DNAJC6: variants seen among roughly 807,000 people sequenced by gnomAD.
The protein encoded by DNAJC6 is auxilin.
A neutral mutation model predicts 110.0 loss-of-function variants in DNAJC6; 34 were observed. The ratio of observed to expected loss-of-function variants is 0.31; its 90% CI spans 0.24 to 0.41. The LOEUF is 0.41. Ranked by LOEUF, DNAJC6 falls within the 10% of genes least tolerant of loss-of-function variation. The probability of loss-of-function intolerance (pLI) is 1.00; values close to 1 mark genes in which losing one functional copy is unlikely to be tolerated. For synonymous variants in DNAJC6, 406 were observed against 437.2 expected (o/e 0.93, Z 0.89); for missense variants, 1,031 against 1,207.8 (o/e 0.85, Z 2.17).
chr1:65,398,862 G>T lies in DNAJC6; in HGVS notation c.2088G>T (p.Trp696Cys), dbSNP rs1646004501. 1.9e-6 allele frequency: 3 copies of T among 1,613,852 alleles called. No individual in the cohort carries two copies. The change falls in exon 14 of 19, where the codon TGG becomes TGT. Residue 696 changes from tryptophan (W) to cysteine (C), a missense_variant. Physicochemically the swap from Trp to Cys is radical, Grantham distance 215. Coordinates refer to ENST00000371069, the MANE Select transcript of DNAJC6 (RefSeq NM_001256864.2). ...TTCAGCCAGATGTTTCTGGAGGTTGGGACTGGCATGCTAAACCAGGTAAAA... is the reference window on the plus strand; with the variant it reads ...TTCAGCCAGATGTTTCTGGAGGTTGTGACTGGCATGCTAAACCAGGTAAAA... ...VNIQPDVSGGWDWHAKPGGFG... is the reference protein window; with the variant it reads ...VNIQPDVSGGCDWHAKPGGFG...
intron 1 of DNAJC6, among the ~76,000 whole-genome samples, chr1:65,350,531 A>G (rs1386374367): frequency 1.3e-5 from 2 of 152,146 alleles, no homozygotes; most frequent in Admixed American, 6.5e-5. Context: ...GTTTTATTGT[A>G]TGATAAACAT....
At chr1:65,302,403 C>G (rs1644995638) in intron 1 of DNAJC6, among the ~76,000 whole-genome samples, 1 of 148,676 alleles carries the variant, frequency 6.7e-6, no homozygotes, top group African/African-American at 2.5e-5. Flanking sequence ...GTACCATTAA[C>G]AGGTGATTAG....
Position 65,406,017 on chromosome 1 carries a change from C to T in DNAJC6, c.2375C>T (p.Pro792Leu), listed in dbSNP as rs1646072742. Residue 792 changes from proline to leucine, a missense_variant, in exon 16 of 19, where the codon CCT becomes CTT. Physicochemically the swap from Pro to Leu is moderately conservative, Grantham distance 98 (BLOSUM62 -3). Coordinates refer to ENST00000371069, the MANE Select transcript of DNAJC6 (RefSeq NM_001256864.2). ...GGAYNWQQPQ[P>L]KPQPSMPHSS... Reference sequence around the variant, plus strand: ...GCCTACAACTGGCAGCAGCCACAGCCTAAGCCTCAGCCCAGCATGCCCCAC... The same window carrying T: ...GCCTACAACTGGCAGCAGCCACAGCTTAAGCCTCAGCCCAGCATGCCCCAC... 2 of 1,614,202 alleles carry T rather than the reference C, an allele frequency of 1.2e-6. No individual in the cohort carries two copies. Among genetic ancestry groups the T allele is most frequent in the Admixed American group, 1.7e-5 (1 of 60,028 alleles).
chr1:65,363,726 G>A (rs1645619389), intron 1 of DNAJC6, among the ~76,000 whole-genome samples: 1 of 151,998 alleles, frequency 6.6e-6, no homozygotes, highest in Admixed American at 6.6e-5. Flanking sequence ...CAGTGCACAG[G>A]GACAACCCCC....
chr1:65,356,683 A>C (rs1570319812), intron 1 of DNAJC6, among the ~76,000 whole-genome samples: 1 of 152,248 alleles, frequency 6.6e-6, no homozygotes, highest in Non-Finnish European at 1.5e-5. Flanking sequence ...GCGTGTTATT[A>C]TTTGATCCTG....
intron 1 of DNAJC6, among the ~76,000 whole-genome samples, chr1:65,363,384 C>T (rs1645615861): frequency 6.6e-6 from 1 of 151,338 alleles, no homozygotes; most frequent in African/African-American, 2.4e-5. Flanking sequence ...TTGCTGATTG[C>T]TATGGCAAAG....
At position 65,408,772 on chromosome 1, in the gene DNAJC6, G is replaced by C. The variant is rs1349929312; in HGVS notation, c.2623G>C (p.Glu875Gln). ...GGAAATGGCCAAGGAAATGGATCCT[G>C]AGAAATTAAAGGTGAGTGAGGCCCC... ...KEEMAKEMDP[E>Q]KLKILEWIEG... Residue 875 changes from glutamate to glutamine, a missense_variant, in exon 17 of 19, where the codon GAG becomes CAG. Glu to Gln is a conservative substitution (Grantham distance 29). Transcript: ENST00000371069. 2 of 1,612,416 alleles carry C rather than the reference G, an allele frequency of 1.2e-6. No individual in the cohort carries two copies. The highest frequency in any genetic ancestry group is 1.7e-6 in the Non-Finnish European group (2 of 1,179,638).
At chr1:65,306,940 A>G (rs1256021246), upstream of DNAJC6, among the ~76,000 whole-genome samples, 1 of 149,634 alleles carries the variant, frequency 6.7e-6, no homozygotes, top group Non-Finnish European at 1.5e-5. Context: ...ATAGAGAACA[A>G]TTGTTAAGTA....
intron 1 of DNAJC6, among the ~76,000 whole-genome samples, chr1:65,273,294 TA>T (rs1281283323): frequency 6.6e-6 from 1 of 152,232 alleles, no homozygotes; most frequent in African/African-American, 2.4e-5. Context: ...CATTTAAGGC[TA>T]CACATTAATA....
rs188933990 is a variant in DNAJC6 at position 65,398,809 on chromosome 1, G to T, written c.2039-4G>T. 5.6e-6 allele frequency: 9 copies of T among 1,613,998 alleles called. No individual in the cohort carries two copies. The African/African-American group carries it at 9.3e-5, about 17-fold the overall frequency. On this transcript the variant is annotated splice_polypyrimidine_tract_variant and splice_region_variant and intron_variant, in intron 13 of 18. Coordinates refer to ENST00000371069, the MANE Select transcript of DNAJC6 (RefSeq NM_001256864.2). ...CTCATTCTTTTTCTTTTCCCCATTTGCAGCTTCTAGTACGCCTGCTGTGAA... is the reference window on the plus strand; with the variant it reads ...CTCATTCTTTTTCTTTTCCCCATTTTCAGCTTCTAGTACGCCTGCTGTGAA...
intron 1 of DNAJC6, among the ~76,000 whole-genome samples, chr1:65,270,936 C>A (rs1247628630): frequency 6.6e-6 from 1 of 152,100 alleles, no homozygotes. Context: ...CCTTTGGCCT[C>A]CCAAAGTGCT....
At position 65,296,676 on chromosome 1, in the gene DNAJC6, C is replaced by T. The variant is rs1050590751; in HGVS notation, c.-131+31744C>T. On this transcript the variant is annotated intron_variant, in intron 1 of 19. Transcript: ENST00000263441. ...GATCTTAGCTCACTGCAACATCCAC[C>T]TTCTGGGTTCAAGCAATTCTCTGCC... Among the ~76,000 whole-genome samples, 4 of 151,674 alleles carry T rather than the reference C, an allele frequency of 2.6e-5. No individual in the cohort carries two copies. In the East Asian group the frequency reaches 5.8e-4, roughly 22 times the overall value.
intron 14 of DNAJC6, among the ~76,000 whole-genome samples, chr1:65,399,397 G>A (rs1646009087): frequency 6.6e-6 from 1 of 152,114 alleles, no homozygotes; most frequent in Non-Finnish European, 1.5e-5. Flanking sequence ...GACCACTATG[G>A]CATTTATGGA....
intron 5 of DNAJC6, 55 bp downstream of exon 5, chr1:65,379,579 A>C (rs201714516): frequency 1.6e-4 from 254 of 1,601,134 alleles, no homozygotes; most frequent in Non-Finnish European, 1.2e-4. Context: ...AATATGGATG[A>C]GCCTGTACAC....
intron 1 of DNAJC6, among the ~76,000 whole-genome samples, chr1:65,280,303 T>C (rs549343513): frequency 1.3e-5 from 2 of 152,340 alleles, no homozygotes; most frequent in South Asian, 4.1e-4. Flanking sequence ...ATCTATATAA[T>C]GTACTGAGTT....
intron 1 of DNAJC6, among the ~76,000 whole-genome samples, chr1:65,321,684 T>A (rs1232437723): frequency 6.6e-6 from 1 of 152,190 alleles, no homozygotes; most frequent in Non-Finnish European, 1.5e-5. Flanking sequence ...CTTACAATGA[T>A]CCAGTGAAGT....
At chr1:65,278,232 TTCATC>T (rs891851525) in intron 1 of DNAJC6, among the ~76,000 whole-genome samples, 5 of 152,186 alleles carry the variant, frequency 3.3e-5, no homozygotes, top group Admixed American at 2.0e-4. Flanking sequence ...CATTTACTCA[TTCATC>T]TCATATGTTT....
intron 1 of DNAJC6, among the ~76,000 whole-genome samples, chr1:65,299,827 A>G (rs1339474746): frequency 6.6e-6 from 1 of 152,112 alleles, no homozygotes; most frequent in African/African-American, 2.4e-5. Context: ...AGGTAGGCGG[A>G]TCACCTGAGG....
At chr1:65,317,058 T>A (rs1645155280) in intron 1 of DNAJC6, among the ~76,000 whole-genome samples, 1 of 152,214 alleles carries the variant, frequency 6.6e-6, no homozygotes, top group Non-Finnish European at 1.5e-5. Context: ...TTAGCCATTT[T>A]CAGGTTTAAT....
Sources: allele counts gnomAD v4.1 joint callset (sites outside exome capture counted in the v4.1 genomes callset), GRCh38; gene constraint gnomAD v4.1.1; transcripts MANE v1.5; gene names NCBI Gene and HGNC (gene_info 2026-07-23, HGNC 2026-07-21).